ADD2: variants seen among roughly 807,000 people sequenced by gnomAD.
The protein encoded by ADD2 is adducin 2.
In ADD2, 23 loss-of-function variants were observed where a neutral mutation model predicts 83.0. The ratio of observed to expected loss-of-function variants is 0.28; its 90% CI spans 0.20 to 0.39. ADD2 has a LOEUF of 0.39. ADD2 is among the 10% of genes least tolerant of loss of function. ADD2 has a pLI of 1.00. For synonymous variants in ADD2, 375 were observed against 375.4 expected, an observed-to-expected ratio of 1.00 and a Z score of 0.01; for missense variants, 758 against 944.9, an observed-to-expected ratio of 0.80 and a Z score of 2.59.
At chr2:70,764,080 G>T (rs568477535) in intron 1 of ADD2, among the ~76,000 whole-genome samples, 55 of 151,570 alleles carry the variant, frequency 3.6e-4, no homozygotes, top group Middle Eastern at 3.4e-3. Flanking sequence ...TAGAGATGGG[G>T]TTTCACTATG....
At chr2:70,756,007 C>T (rs1045606532) in intron 1 of ADD2, among the ~76,000 whole-genome samples, 7 of 148,386 alleles carry the variant, frequency 4.7e-5, no homozygotes, top group Admixed American at 1.4e-4. Context: ...TGCAGTGAGC[C>T]GAGATCACGC....
chr2:70,735,372 T>C (rs1202011366), intron 1 of ADD2, among the ~76,000 whole-genome samples: 2 of 152,136 alleles, frequency 1.3e-5, no homozygotes, highest in Non-Finnish European at 2.9e-5. Flanking sequence ...CAAAACTCCA[T>C]CACATGGGGG....
intron 1 of ADD2, among the ~76,000 whole-genome samples, chr2:70,750,249 G>C (rs1553382721): frequency 6.6e-6 from 1 of 152,038 alleles, no homozygotes; most frequent in East Asian, 1.9e-4. Context: ...TCTCAACCAG[G>C]GAAACATCAT....
At chr2:70,683,022 C>CTTT (rs35087942) in intron 10 of ADD2, among the ~76,000 whole-genome samples, 43 of 124,506 alleles carry the variant, frequency 3.5e-4, no homozygotes, top group African/African-American at 6.4e-4. Flanking sequence ...GGAGTATGAC[C>CTTT]TTTTTTTTTT....
At chr2:70,685,589 A>G (rs371908886) in intron 9 of ADD2, among the ~76,000 whole-genome samples, 9 of 152,268 alleles carry the variant, frequency 5.9e-5, no homozygotes, top group African/African-American at 2.2e-4. Flanking sequence ...GCTATTTACC[A>G]TCTGTGTACC....
At chr2:70,746,279 G>A (rs1471138075) in intron 1 of ADD2, among the ~76,000 whole-genome samples, 1 of 152,140 alleles carries the variant, frequency 6.6e-6, no homozygotes, top group Admixed American at 6.5e-5. Context: ...GTGGGTGGTG[G>A]AATTATTTAC....
intron 9 of ADD2, among the ~76,000 whole-genome samples, chr2:70,685,243 C>T (rs1553370340): frequency 6.6e-6 from 1 of 152,110 alleles, no homozygotes; most frequent in East Asian, 1.9e-4. Context: ...CTGACAAATG[C>T]AGGTCTATGA....
intron 1 of ADD2, among the ~76,000 whole-genome samples, chr2:70,737,164 T>C (rs1272660481): frequency 2.0e-4 from 30 of 152,284 alleles, no homozygotes; most frequent in African/African-American, 6.5e-4. Context: ...GAAGACAGTG[T>C]GGCGATTCCT....
chr2:70,681,473 T>A (rs1553369525), intron 10 of ADD2, among the ~76,000 whole-genome samples: 1 of 152,118 alleles, frequency 6.6e-6, no homozygotes, highest in Non-Finnish European at 1.5e-5. Flanking sequence ...AAAAACCCCC[T>A]TTGAAAAATC....
intron 15 of ADD2, among the ~76,000 whole-genome samples, chr2:70,668,486 T>C (rs1321210330): frequency 6.6e-6 from 1 of 152,246 alleles, no homozygotes; most frequent in Admixed American, 6.5e-5. Context: ...GTGTCATTTA[T>C]CTTTTTTTCT....
intron 1 of ADD2, among the ~76,000 whole-genome samples, chr2:70,721,136 C>A (rs1246144538): frequency 6.6e-6 from 1 of 152,182 alleles, no homozygotes; most frequent in Non-Finnish European, 1.5e-5. Flanking sequence ...CATCAGTTAT[C>A]TATATGTTGG....
chr2:70,756,242 T>C (rs1395527774), intron 1 of ADD2, among the ~76,000 whole-genome samples: 1 of 152,154 alleles, frequency 6.6e-6, no homozygotes, highest in Non-Finnish European at 1.5e-5. Context: ...CAAAATAGCA[T>C]GCAGACACAG....
intron 15 of ADD2, among the ~76,000 whole-genome samples, chr2:70,667,358 G>A (rs1212654559): frequency 2.0e-5 from 3 of 152,022 alleles, no homozygotes; most frequent in African/African-American, 7.2e-5. Flanking sequence ...CAGACCCTGT[G>A]GGTTGGGAGA....
chr2:70,747,381 C>T (rs1574318077), intron 1 of ADD2, among the ~76,000 whole-genome samples: 1 of 152,100 alleles, frequency 6.6e-6, no homozygotes, highest in Non-Finnish European at 1.5e-5. Context: ...ATGGTAAGTG[C>T]TCTCCCATCA....
In ADD2 at chr2:70,695,746, C is replaced by A; in HGVS notation, c.530G>T (p.Cys177Phe). The A allele has an allele frequency of 6.2e-7, 1 of 1,614,152 alleles. No homozygotes were observed. Among genetic ancestry groups the A allele is most frequent in the Non-Finnish European group, 8.5e-7 (1 of 1,180,030 alleles). The change falls in exon 6 of 16, where the codon TGC (cysteine) becomes TTC (phenylalanine). Residue 177 changes from cysteine (C) to phenylalanine (F), a missense_variant. Cys to Phe is a radical substitution (Grantham distance 205). Around this residue, in one of 5 missense-constraint regions of ADD2, gnomAD observed 394 missense variants for 509.3 expected, o/e 0.77. Transcript: ENST00000264436. Reference sequence around the variant, plus strand: ...CAGGCTGGACGCTGTGACTTCACTGCAAGAAACTCCCTTAGGGCTGATCAG... The same window carrying A: ...CAGGCTGGACGCTGTGACTTCACTGAAAGAAACTCCCTTAGGGCTGATCAG... ...HFLISPKGVSCSEVTASSLIK... is the reference protein window; with the variant it reads ...HFLISPKGVSFSEVTASSLIK...
At chr2:70,737,637 A>G (rs1398482957) in intron 1 of ADD2, among the ~76,000 whole-genome samples, 2 of 151,818 alleles carry the variant, frequency 1.3e-5, no homozygotes, top group East Asian at 3.9e-4. Context: ...TGACGAGTTA[A>G]TGGGTGCAGC....
chr2:70,677,649 G>T, intron 12 of ADD2, 109 bp downstream of exon 12: 1 of 1,413,306 alleles, frequency 7.1e-7, no homozygotes, highest in Non-Finnish European at 9.8e-7. Flanking sequence ...TGTGAGGCAT[G>T]TGAGATGTCA....
Position 70,766,977 on chromosome 2 carries a change from A to G in ADD2, c.-154+909T>C, listed in dbSNP as rs372687853. Among the ~76,000 whole-genome samples, 560 of 152,106 alleles carry G rather than the reference A, an allele frequency of 3.7e-3. 3 individuals are homozygous for G. The highest frequency in any genetic ancestry group is 0.018 in the South Asian group (89 of 4,818). On this transcript the variant is annotated intron_variant, in intron 1 of 15. Transcript: ENST00000264436. ...TTTCTATTTCTATTTCCTATTTTCT[A>G]TTTTTAGTTTTGGGCAAGAGATGGA...
rs1239314163 is a variant in ADD2, at chr2:70,706,756, C to A, written c.-34-314G>T. ...GTTCCCCGAATGGAAACATGACCTG[C>A]AGACCTTGTTGAGCATTTCTGTGAT... On this transcript the variant is annotated intron_variant, in intron 2 of 15. Coordinates refer to ENST00000264436, the MANE Select transcript of ADD2 (RefSeq NM_001617.4). This position sits in a 1 kb window ranked among gnomAD's most constrained non-coding sequence, Gnocchi z 5.0. 2.0e-5 allele frequency among the ~76,000 whole-genome samples: 3 copies of A among 152,188 alleles called. No homozygotes were observed. Among genetic ancestry groups the A allele is most frequent in the African/African-American group, 7.2e-5 (3 of 41,436 alleles).
Sources: allele counts gnomAD v4.1 joint callset (sites outside exome capture counted in the v4.1 genomes callset), GRCh38; gene constraint gnomAD v4.1.1; regional missense constraint gnomAD v4.1.1; non-coding constraint Gnocchi (gnomAD v3.1); transcripts MANE v1.5; gene names NCBI Gene and HGNC (gene_info 2026-07-23, HGNC 2026-07-21).